Variants in PCDHGA9 observed in about 807,000 individuals in gnomAD.
The protein encoded by PCDHGA9 is protocadherin gamma-A9.
A neutral mutation model predicts 62.5 loss-of-function variants in PCDHGA9; 37 were observed. The ratio of observed to expected loss-of-function variants is 0.59; its 90% CI spans 0.46 to 0.78. PCDHGA9 has a LOEUF of 0.78. PCDHGA9 is among the 30% of genes least tolerant of loss of function. PCDHGA9 has a pLI of 0.00. For synonymous variants in PCDHGA9, 459 were observed against 484.6 expected, an observed-to-expected ratio of 0.95 and a Z score of 0.69; for missense variants, 1,138 against 1,166.2, an observed-to-expected ratio of 0.98 and a Z score of 0.35.
intron 1 of PCDHGA9, chr5:141,433,338 T>G (rs2097583623): frequency 3.1e-6 from 2 of 651,932 alleles, no homozygotes; most frequent in South Asian, 4.0e-5. Context: ...GGACTACAGG[T>G]GCAAGCCACC....
At chr5:141,430,918 G>T (rs766412276) in intron 1 of PCDHGA9, 2 of 1,607,866 alleles carry the variant, frequency 1.2e-6, no homozygotes, top group South Asian at 2.2e-5. Context: ...GGGACCTGGG[G>T]CTGGAGCCCC....
chr5:141,477,861 G>T lies in PCDHGA9; in HGVS notation c.2425-16946G>T. 6.2e-7 allele frequency: 1 copy of T among 1,612,714 alleles called. No homozygotes were observed. Among genetic ancestry groups the T allele is most frequent in the Non-Finnish European group, 8.5e-7 (1 of 1,179,590 alleles). ...GGGAGCTCGGTGGAGATGCTGCCTC[G>T]AGGTACCTCAGCTGGCCACCTAGTG... On this transcript the variant is annotated intron_variant, in intron 1 of 3. Coordinates refer to ENST00000573521, the MANE Select transcript of PCDHGA9 (RefSeq NM_018921.3). This position sits in a 1 kb window ranked among gnomAD's most constrained non-coding sequence, Gnocchi z 4.9.
At position 141,431,495 on chromosome 5, in the gene PCDHGA9, G is replaced by A. The variant is rs557611439; in HGVS notation, c.2424+26119G>A. The A allele has an allele frequency of 4.3e-6, 7 of 1,613,864 alleles. No homozygotes were observed. The highest frequency in any genetic ancestry group is 1.1e-5 in the South Asian group (1 of 91,092). On this transcript the variant is annotated intron_variant, in intron 1 of 3. Coordinates refer to ENST00000573521, the MANE Select transcript of PCDHGA9 (RefSeq NM_018921.3). This position sits in a 1 kb window ranked among gnomAD's most constrained non-coding sequence, Gnocchi z 4.8. ...CAACGCACCAGCGTTTGCTCAGCCC[G>A]AGTACCGCGCGAGCGTTCCGGAGAA...
intron 1 of PCDHGA9, chr5:141,426,732 C>T (rs576525011): frequency 2.7e-4 from 123 of 448,642 alleles, no homozygotes; most frequent in African/African-American, 2.2e-3. Context: ...TCCAGGCATT[C>T]GGTTTGGCCT....
At chr5:141,496,799 G>C (rs2099771487) in intron 2 of PCDHGA9, among the ~76,000 whole-genome samples, 1 of 151,912 alleles carries the variant, frequency 6.6e-6, no homozygotes, top group African/African-American at 2.4e-5. Context: ...TAAACATTGG[G>C]CTATAGGAGT....
intron 1 of PCDHGA9, among the ~76,000 whole-genome samples, chr5:141,447,063 G>C (rs762309557): frequency 6.6e-6 from 1 of 152,028 alleles, no homozygotes; most frequent in South Asian, 2.1e-4. Context: ...AATGTGTCAG[G>C]CTGTTTTAAT....
chr5:141,445,361 G>A (rs2098464750), intron 1 of PCDHGA9, among the ~76,000 whole-genome samples: 2 of 152,138 alleles, frequency 1.3e-5, no homozygotes, highest in African/African-American at 4.8e-5. Context: ...GCCCAAGTCT[G>A]GTCCTGGGTG....
intron 1 of PCDHGA9, chr5:141,415,094 A>T: frequency 1.9e-6 from 3 of 1,613,530 alleles, no homozygotes; most frequent in Non-Finnish European, 2.5e-6. Flanking sequence ...CTGGACAGAG[A>T]CGCGCTCAAG....
chr5:141,425,714 A>G (rs1259037833), intron 1 of PCDHGA9, among the ~76,000 whole-genome samples: 1 of 152,218 alleles, frequency 6.6e-6, no homozygotes, highest in African/African-American at 2.4e-5. Context: ...AAATTTTCCC[A>G]TACCACTTGA....
chr5:141,475,852 G>A, intron 1 of PCDHGA9: 1 of 467,402 alleles, frequency 2.1e-6, no homozygotes, highest in East Asian at 3.7e-5. Context: ...AGAGCCCGGC[G>A]CTAGCTCATT....
intron 1 of PCDHGA9, chr5:141,492,015 G>A (rs117345436): frequency 3.3e-6 from 2 of 600,492 alleles, no homozygotes; most frequent in African/African-American, 1.9e-5. Context: ...CGCGGGTGTC[G>A]GGGGTCCCGG....
At chr5:141,423,666 A>G in intron 1 of PCDHGA9, 1 of 1,494,380 alleles carries the variant, frequency 6.7e-7, no homozygotes, top group Non-Finnish European at 8.9e-7. Context: ...ATCAGGTGAG[A>G]TTTATTTCTC....
intron 1 of PCDHGA9, chr5:141,409,439 G>C: frequency 6.2e-7 from 1 of 1,613,998 alleles, no homozygotes; most frequent in Non-Finnish European, 8.5e-7. Flanking sequence ...CCTGGACCGA[G>C]AGCAGACACC....
chr5:141,415,760 T>G (rs779762678), intron 1 of PCDHGA9: 355 of 1,388,296 alleles, frequency 2.6e-4, no homozygotes, highest in East Asian at 7.0e-4. Flanking sequence ...TTTTTTTTTT[T>G]TTTTTTTTTT....
At chr5:141,446,221 T>C (rs2098493855) in intron 1 of PCDHGA9, among the ~76,000 whole-genome samples, 1 of 152,164 alleles carries the variant, frequency 6.6e-6, no homozygotes, top group African/African-American at 2.4e-5. Flanking sequence ...AATATTGTTG[T>C]GTTGCCTGGC....
chr5:141,403,953 T>C lies in PCDHGA9; in HGVS notation c.1001T>C (p.Leu334Pro). Reference protein sequence around the residue: ...GGGLKGWTKVLISVEDVNDNR... With the variant: ...GGGLKGWTKVPISVEDVNDNR... ...GGATTGAAAGGGTGGACAAAAGTGC[T>C]CATTTCGGTGGAAGATGTAAATGAC... Residue 334 changes from leucine (L) to proline (P), a missense_variant, in exon 1 of 4, where the codon CTC becomes CCC. Transcript: ENST00000573521. The C allele has an allele frequency of 6.2e-7, 1 of 1,613,860 alleles. No individual in the cohort carries two copies. Among genetic ancestry groups the C allele is most frequent in the South Asian group, 1.1e-5 (1 of 91,080 alleles).
chr5:141,406,757 A>C (rs1274112027), intron 1 of PCDHGA9, among the ~76,000 whole-genome samples: 3 of 152,230 alleles, frequency 2.0e-5, no homozygotes, highest in Non-Finnish European at 4.4e-5. Context: ...CAAAACAAGG[A>C]ATTAAAAATA....
chr5:141,483,661 T>TGTGTGA (rs1357903548), intron 1 of PCDHGA9, among the ~76,000 whole-genome samples: 7 of 152,042 alleles, frequency 4.6e-5, no homozygotes, highest in African/African-American at 1.7e-4. Context: ...TGTGTGTGTG[T>TGTGTGA]GTGTGTGTAA....
At chr5:141,457,439 C>T (rs2098920819) in intron 1 of PCDHGA9, among the ~76,000 whole-genome samples, 1 of 152,194 alleles carries the variant, frequency 6.6e-6, no homozygotes, top group Non-Finnish European at 1.5e-5. Context: ...CACCAAGCTG[C>T]AGAAGATCAC....
Sources: allele counts gnomAD v4.1 joint callset (sites outside exome capture counted in the v4.1 genomes callset), GRCh38; gene constraint gnomAD v4.1.1; non-coding constraint Gnocchi (gnomAD v3.1); transcripts MANE v1.5; gene names NCBI Gene and HGNC (gene_info 2026-07-23, HGNC 2026-07-21).